MAGI3: variants seen among roughly 807,000 people sequenced by gnomAD.
MAGI3 encodes the protein membrane-associated guanylate kinase, WW and PDZ domain-containing protein 3.
A neutral mutation model predicts 121.8 loss-of-function variants in MAGI3; 43 were observed. The ratio of observed to expected loss-of-function variants is 0.35; its 90% CI spans 0.28 to 0.46. The LOEUF (loss-of-function observed/expected upper bound fraction) is 0.46. MAGI3 is among the 20% of genes least tolerant of loss of function. The pLI is 1.00. For missense variants in MAGI3, 1,547 were observed against 1,797.3 expected (o/e 0.86, Z 2.52); for synonymous variants, 553 against 639.3 (o/e 0.86, Z 2.04).
At chr1:113,575,268 A>C (rs1309844923) in intron 2 of MAGI3, among the ~76,000 whole-genome samples, 2 of 152,154 alleles carry the variant, frequency 1.3e-5, no homozygotes, top group Non-Finnish European at 2.9e-5. Context: ...GAGAAGAAGC[A>C]TTCTGGTTTT....
In MAGI3 at chr1:113,590,550, A is replaced by G; in HGVS notation, c.830A>G (p.Asn277Ser). The G allele has an allele frequency of 6.2e-7, 1 of 1,613,828 alleles. No homozygotes were observed. Among genetic ancestry groups the G allele is most frequent in the Non-Finnish European group, 8.5e-7 (1 of 1,179,750 alleles). Residue 277 changes from asparagine to serine, a missense_variant, in exon 5 of 21, where the codon AAT becomes AGT. Transcript: ENST00000307546. ...MKTVPSYNQT[N>S]SSMDFRNYMM... ...ACTGTTCCAAGTTACAACCAAACAA[A>G]TAGCTCCATGGACTTTAGAAATTAT...
chr1:113,609,785 C>T (rs1650008255), intron 6 of MAGI3, among the ~76,000 whole-genome samples: 1 of 152,074 alleles, frequency 6.6e-6, no homozygotes, highest in South Asian at 2.1e-4. Flanking sequence ...GCTTGATATG[C>T]CCAAAATAGT....
chr1:113,621,986 G>A (rs762417055), intron 8 of MAGI3, among the ~76,000 whole-genome samples: 78 of 152,120 alleles, frequency 5.1e-4, no homozygotes, highest in Non-Finnish European at 1.1e-3. Flanking sequence ...GACTGCTAAT[G>A]GGCATGGGGA....
intron 1 of MAGI3, among the ~76,000 whole-genome samples, chr1:113,431,142 T>A (rs1653279412): frequency 6.6e-6 from 1 of 152,038 alleles, no homozygotes; most frequent in Non-Finnish European, 1.5e-5. Context: ...GAGTGAGACT[T>A]CATCTCTACA....
chr1:113,539,234 A>T (rs1467625799), intron 1 of MAGI3, among the ~76,000 whole-genome samples: 1 of 152,012 alleles, frequency 6.6e-6, no homozygotes, highest in Non-Finnish European at 1.5e-5. Flanking sequence ...CTCTACTAAA[A>T]ATACAAAAAT....
At chr1:113,530,153 T>C (rs1658635445) in intron 1 of MAGI3, among the ~76,000 whole-genome samples, 1 of 152,160 alleles carries the variant, frequency 6.6e-6, no homozygotes. Flanking sequence ...AATGTCCATT[T>C]CCTCACATTT....
intron 1 of MAGI3, among the ~76,000 whole-genome samples, chr1:113,532,862 G>A (rs1222260636): frequency 6.6e-6 from 1 of 152,140 alleles, no homozygotes; most frequent in Non-Finnish European, 1.5e-5. Context: ...TGTTATTAAA[G>A]AGCTACAAAG....
chr1:113,581,933 T>C (rs1648065422), intron 3 of MAGI3, among the ~76,000 whole-genome samples: 1 of 152,088 alleles, frequency 6.6e-6, no homozygotes, highest in Non-Finnish European at 1.5e-5. Context: ...TTTGAAGTTT[T>C]TTTTTGTTTG....
intron 1 of MAGI3, among the ~76,000 whole-genome samples, chr1:113,434,881 C>T (rs1653486526): frequency 6.6e-6 from 1 of 152,160 alleles, no homozygotes; most frequent in African/African-American, 2.4e-5. Flanking sequence ...TAGTATCATT[C>T]TGCTTTTTAG....
At chr1:113,542,778 C>T (rs1179472296) in intron 1 of MAGI3, among the ~76,000 whole-genome samples, 1 of 152,144 alleles carries the variant, frequency 6.6e-6, no homozygotes, top group Non-Finnish European at 1.5e-5. Context: ...CACACACAAA[C>T]ACACAGAGAA....
chr1:113,615,931 A>AT (rs1265138689), intron 7 of MAGI3, among the ~76,000 whole-genome samples: 1 of 152,050 alleles, frequency 6.6e-6, no homozygotes, highest in Non-Finnish European at 1.5e-5. Context: ...GTTTTGCAGG[A>AT]TTTTTTTCTT....
intron 1 of MAGI3, among the ~76,000 whole-genome samples, chr1:113,542,099 G>A (rs553960630): frequency 2.6e-5 from 4 of 152,130 alleles, no homozygotes; most frequent in Non-Finnish European, 5.9e-5. Context: ...ACAATACTCT[G>A]TACAGTAGTC....
intron 6 of MAGI3, among the ~76,000 whole-genome samples, chr1:113,596,171 A>T (rs557782226): frequency 6.6e-6 from 1 of 152,216 alleles, no homozygotes; most frequent in Non-Finnish European, 1.5e-5. Context: ...AGCTACAGTG[A>T]TAAAGACAGT....
chr1:113,598,469 C>T (rs138486360), intron 6 of MAGI3, among the ~76,000 whole-genome samples: 194 of 151,568 alleles, frequency 1.3e-3, no homozygotes, highest in Middle Eastern at 3.4e-3. Flanking sequence ...ATAGACTCAA[C>T]GTAAAAGAGT....
intron 2 of MAGI3, among the ~76,000 whole-genome samples, chr1:113,564,707 A>C (rs1048678686): frequency 6.6e-6 from 1 of 152,144 alleles, no homozygotes; most frequent in African/African-American, 2.4e-5. Context: ...GCACCTCTAA[A>C]ACAAATGAAT....
intron 1 of MAGI3, among the ~76,000 whole-genome samples, chr1:113,456,663 AAG>A (rs1454496059): frequency 1.3e-5 from 2 of 152,216 alleles, no homozygotes; most frequent in Non-Finnish European, 2.9e-5. Context: ...AATGCCACAA[AAG>A]AGTTTGATAA....
At chr1:113,576,101 A>G (rs1647618532) in intron 2 of MAGI3, among the ~76,000 whole-genome samples, 1 of 152,192 alleles carries the variant, frequency 6.6e-6, no homozygotes, top group East Asian at 1.9e-4. Context: ...GAGAATTTCA[A>G]GCCAGTGGTT....
rs543285229 is a variant in MAGI3, at chr1:113,427,634, G to A, written c.316+36285G>A. 7.2e-5 allele frequency among the ~76,000 whole-genome samples: 11 copies of A among 152,190 alleles called. No individual in the cohort carries two copies. In the East Asian group the frequency reaches 9.7e-4, roughly 13 times the overall value. On this transcript the variant is annotated intron_variant, in intron 1 of 20. Transcript: ENST00000307546. ...ATTAGTTTGCTGTCCTCTTACTACC[G>A]TACCTTCCAAAGTTTTCTTTTGGCT...
chr1:113,555,059 A>G (rs1659931565), intron 2 of MAGI3, among the ~76,000 whole-genome samples: 1 of 152,106 alleles, frequency 6.6e-6, no homozygotes, highest in African/African-American at 2.4e-5. Flanking sequence ...TGACTGCAGT[A>G]TCCACAGAAA....
Sources: allele counts gnomAD v4.1 joint callset (sites outside exome capture counted in the v4.1 genomes callset), GRCh38; gene constraint gnomAD v4.1.1; transcripts MANE v1.5; gene names NCBI Gene and HGNC (gene_info 2026-07-23, HGNC 2026-07-21).